The following PAFAH1B1 variants were observed in gnomAD, a reference collection of about 807,000 sequenced individuals.
PAFAH1B1 encodes the protein platelet activating factor acetylhydrolase 1b regulatory subunit 1, also known as platelet-activating factor acetylhydrolase IB subunit beta.
Under a neutral mutation model 57.5 loss-of-function variants are expected in PAFAH1B1, and 2 were observed. The observed-to-expected ratio is 0.03, with a 90% CI of 0.01 to 0.11. PAFAH1B1 has a LOEUF of 0.11. Ranked by LOEUF, PAFAH1B1 falls within the 10% of genes least tolerant of loss-of-function variation. The pLI is 1.00. For missense variants in PAFAH1B1, 257 were observed against 512.0 expected, an observed-to-expected ratio of 0.50 and a Z score of 4.81; for synonymous variants, 152 against 169.6, an observed-to-expected ratio of 0.90 and a Z score of 0.81.
intron 1 of PAFAH1B1, chr17:2,635,360 T>C (rs1184508568): frequency 6.6e-6 from 1 of 152,162 alleles, no homozygotes; most frequent in Non-Finnish European, 1.5e-5. Context: ...TCATCATTCT[T>C]TCTTTTATTT....
chr17:2,684,746 T>C lies in PAFAH1B1; in HGVS notation c.*2944T>C, dbSNP rs2069448020. 1 of 152,586 alleles carries C rather than the reference T, an allele frequency of 6.6e-6. No individual in the cohort carries two copies. The highest frequency in any genetic ancestry group is 2.1e-4 in the South Asian group (1 of 4,832). The allele number at this position is 152,586 out of a possible 1,614,324, so 9.5% of individuals were successfully genotyped here. ...CAATGGTGTGCCCAGAGCACTACTCTCAAAATCACTAGTGTTAGCAAGTCG... is the reference window on the plus strand; with the variant it reads ...CAATGGTGTGCCCAGAGCACTACTCCCAAAATCACTAGTGTTAGCAAGTCG... On this transcript the variant is annotated 3_prime_UTR_variant, in exon 11 of 11. Coordinates refer to ENST00000397195, the MANE Select transcript of PAFAH1B1 (RefSeq NM_000430.4).
At chr17:2,611,315 A>C (rs1597515035) in intron 1 of PAFAH1B1, among the ~76,000 whole-genome samples, 1 of 152,044 alleles carries the variant, frequency 6.6e-6, no homozygotes, top group Non-Finnish European at 1.5e-5. Context: ...TAAAAATACA[A>C]AAATTAACCG....
chr17:2,664,240 T>C (rs1221673194), intron 2 of PAFAH1B1, among the ~76,000 whole-genome samples: 2 of 151,720 alleles, frequency 1.3e-5, no homozygotes, highest in Non-Finnish European at 1.5e-5. Context: ...ACTACTGGAG[T>C]GTGTTTTGTT....
In PAFAH1B1 at chr17:2,621,605, G is replaced by GTTTTTTTTTTTTTTTTTTTTTTTTTT. The variant is rs2068421993; in HGVS notation, c.-190-16493_-190-16492insTTTTTTTTTTTTTTTTTTTTTTTTTT. 3.2e-5 allele frequency among the ~76,000 whole-genome samples: 3 copies of GTTTTTTTTTTTTTTTTTTTTTTTTTT among 93,208 alleles called. 1 individual carries two copies. The highest frequency in any genetic ancestry group is 3.5e-4 in the South Asian group (1 of 2,882). The allele number at this position is 93,208 out of a possible 152,430, so 61.1% of individuals were successfully genotyped here. A position where few individuals can be genotyped will look rare whatever the true frequency, so the allele number is the denominator to read the frequency against. On this transcript the variant is annotated intron_variant, in intron 1 of 10. Coordinates refer to ENST00000397195, the MANE Select transcript of PAFAH1B1 (RefSeq NM_000430.4). ...GCTATTCAAGCATGGTAGATAATCT[G>GTTTTTTTTTTTTTTTTTTTTTTTTTT]TCTTTTTTTTTTTTTTTTTTTTTTT...
intron 1 of PAFAH1B1, among the ~76,000 whole-genome samples, chr17:2,627,110 A>G (rs906648527): frequency 6.6e-6 from 1 of 151,978 alleles, no homozygotes; most frequent in African/African-American, 2.4e-5. Flanking sequence ...GGTCCCAGCT[A>G]TTTATCTTTG....
intron 1 of PAFAH1B1, among the ~76,000 whole-genome samples, chr17:2,621,826 C>T (rs768287579): frequency 8.6e-5 from 13 of 151,664 alleles, no homozygotes; most frequent in South Asian, 2.1e-4. Flanking sequence ...TGTATGTATT[C>T]GTTCGTTTTC....
rs903066671 is a variant in PAFAH1B1 at position 2,684,049 on chromosome 17, G to A, written c.*2247G>A. On this transcript the variant is annotated 3_prime_UTR_variant, in exon 11 of 11. Transcript: ENST00000397195. ...CACACAGCGACTTGCGTTGACAAAG[G>A]AGGAGGAAACGATTACTCTGTAAAC... is the stretch of plus-strand genomic sequence containing the variant. 1.3e-5 allele frequency: 2 copies of A among 152,648 alleles called. No homozygotes were observed. Among genetic ancestry groups the A allele is most frequent in the African/African-American group, 2.4e-5 (1 of 41,446 alleles). The allele number at this position is 152,648 out of a possible 1,614,324, so 9.5% of individuals were successfully genotyped here.
chr17:2,648,763 A>T (rs146664008), intron 2 of PAFAH1B1, among the ~76,000 whole-genome samples: 46 of 150,732 alleles, frequency 3.1e-4, no homozygotes, highest in Admixed American at 6.6e-4. Context: ...CTGATGGTTA[A>T]AAAAAAAAAA....
At position 2,680,253 on chromosome 17, in the gene PAFAH1B1, A is replaced by G; in HGVS notation, c.1092A>G (p.Val364=). ...LSCADDKTLR[V]WDYKNKRCMK... The stretch of plus-strand genomic sequence containing the variant: ...GTGCTGATGACAAGACCCTACGCGT[A>G]TGGGATTACAAGAACAAGCGATGCA... Residue 364 remains valine, a synonymous_variant, in exon 10 of 11, where the codon GTA becomes GTG. Transcript: ENST00000397195. 1.2e-6 allele frequency: 2 copies of G among 1,614,106 alleles called. No individual in the cohort carries two copies. Among genetic ancestry groups the G allele is most frequent in the Non-Finnish European group, 1.7e-6 (2 of 1,179,962 alleles).
chr17:2,648,079 G>A (rs1433389774), intron 2 of PAFAH1B1, among the ~76,000 whole-genome samples: 1 of 152,138 alleles, frequency 6.6e-6, no homozygotes, highest in African/African-American at 2.4e-5. Context: ...CAGGCCTCAG[G>A]AAAGTTAAAA....
chr17:2,600,283 T>G (rs117978802), intron 1 of PAFAH1B1, among the ~76,000 whole-genome samples: 1 of 152,016 alleles, frequency 6.6e-6, no homozygotes, highest in East Asian at 1.9e-4. Flanking sequence ...TAGAAGAGTT[T>G]GTTTTATGGG....
chr17:2,678,498 G>A (rs1264811957), intron 9 of PAFAH1B1, among the ~76,000 whole-genome samples: 3 of 151,808 alleles, frequency 2.0e-5, no homozygotes, highest in East Asian at 1.9e-4. Context: ...CCTGGGAGAC[G>A]GAGGTTGCAG....
chr17:2,680,090 T>C (rs2069355640), intron 9 of PAFAH1B1, 74 bp from the exon 10 acceptor site: 1 of 1,312,152 alleles, frequency 7.6e-7, no homozygotes, highest in Non-Finnish European at 1.1e-6. Context: ...ATGTATAGTT[T>C]TATCGTATTA....
At chr17:2,593,511 G>C (rs1474874168), upstream of PAFAH1B1, among the ~76,000 whole-genome samples, 2 of 151,060 alleles carry the variant, frequency 1.3e-5, no homozygotes, top group African/African-American at 4.8e-5. Context: ...CGCGGCCCCG[G>C]CCCGGCCCAG....
chr17:2,674,436 GC>G, intron 8 of PAFAH1B1, 148 bp downstream of exon 8: 1 of 687,514 alleles, frequency 1.5e-6, no homozygotes, highest in Non-Finnish European at 2.6e-6. Flanking sequence ...ACTCTTCACA[GC>G]TTGCTGATGT....
At chr17:2,679,250 C>A (rs1597579725) in intron 9 of PAFAH1B1, among the ~76,000 whole-genome samples, 1 of 152,196 alleles carries the variant, frequency 6.6e-6, no homozygotes, top group African/African-American at 2.4e-5. Flanking sequence ...GCTTTGTGAA[C>A]ATCTTTGCTA....
chr17:2,661,538 AGTAGCATGCTGTTTTGGTTACT>A (rs1349526847), intron 2 of PAFAH1B1, among the ~76,000 whole-genome samples: 1 of 152,120 alleles, frequency 6.6e-6, no homozygotes, highest in African/African-American at 2.4e-5. Context: ...TTTTGGTACC[AGTAGCATGCTGTTTTGGTTACT>A]GTAGCCTTGT....
chr17:2,685,428 TAA>T lies in PAFAH1B1; in HGVS notation c.*3627_*3628del, dbSNP rs58458769. 0.12 allele frequency: 18,916 copies of T among 152,452 alleles called. 1,662 individuals are homozygous for T. Among genetic ancestry groups the T allele is most frequent in the East Asian group, 0.38 (1,948 of 5,162 alleles). The allele number at this position is 152,452 out of a possible 1,614,324, so 9.4% of individuals were successfully genotyped here. A position where few individuals can be genotyped will look rare whatever the true frequency, so the allele number is the denominator to read the frequency against. On this transcript the variant is annotated 3_prime_UTR_variant, in exon 11 of 11. Transcript: ENST00000397195. ...TGAGGAAAACAGTTCCCCAGATTGT[TAA>T]GAGTTCACTGAAGATATTGACACAA...
Position 2,682,923 on chromosome 17 carries a change from A to G in PAFAH1B1, c.*1121A>G, listed in dbSNP as rs148413152. 569 of 152,754 alleles carry G rather than the reference A, an allele frequency of 3.7e-3. No individual in the cohort carries two copies. The highest frequency in any genetic ancestry group is 6.6e-3 in the Non-Finnish European group (448 of 68,042). 9.5% of individuals were successfully genotyped at this position (152,754 alleles called of 1,614,324 possible). ...TAAATGTTTGTAAGTATATGGGCCT[A>G]TCTGTAAGTGGATAAGTCTGTATGT... On this transcript the variant is annotated 3_prime_UTR_variant, in exon 11 of 11. Transcript: ENST00000397195.
Sources: allele counts gnomAD v4.1 joint callset (sites outside exome capture counted in the v4.1 genomes callset), GRCh38; gene constraint gnomAD v4.1.1; transcripts MANE v1.5; gene names NCBI Gene and HGNC (gene_info 2026-07-23, HGNC 2026-07-21).